The following ABLIM3 variants were observed in gnomAD, a reference collection of about 807,000 sequenced individuals.
The protein encoded by ABLIM3 is actin binding LIM protein family member 3, also known as actin-binding LIM protein 3.
Under a neutral mutation model 109.5 loss-of-function variants are expected in ABLIM3, and 61 were observed. That is an observed-to-expected ratio of 0.56 (90% CI 0.45 to 0.69). The LOEUF is 0.69. ABLIM3 is among the 30% of genes least tolerant of loss of function. The probability of loss-of-function intolerance (pLI) is 0.00; values close to 1 mark genes in which losing one functional copy is unlikely to be tolerated. For missense variants in ABLIM3, 796 were observed against 889.5 expected, an observed-to-expected ratio of 0.89 and a Z score of 1.34; for synonymous variants, 300 against 324.8, an observed-to-expected ratio of 0.92 and a Z score of 0.82.
At chr5:149,152,039 G>A (rs1753481947) in intron 2 of ABLIM3, among the ~76,000 whole-genome samples, 1 of 152,170 alleles carries the variant, frequency 6.6e-6, no homozygotes, top group Admixed American at 6.5e-5. Context: ...TAGTGAATTT[G>A]AATTATTTGC....
rs1390590216 is a variant in ABLIM3 at position 149,255,869 on chromosome 5, T to G, written c.1939-2422T>G. ...AAGTGACCAGACTGAGTGCTTTCTG[T>G]GTGCCCTTGAGTGTTGAGCACATGA... On this transcript the variant is annotated intron_variant, in intron 23 of 23. Coordinates refer to ENST00000309868, the MANE Select transcript of ABLIM3 (RefSeq NM_014945.5). Among the ~76,000 whole-genome samples the G allele has an allele frequency of 2.6e-5, 4 of 152,230 alleles. No individual in the cohort carries two copies. The East Asian group carries it at 5.8e-4, about 22-fold the overall frequency.
chr5:149,244,763 C>T, intron 15 of ABLIM3, 118 bp from the exon 16 acceptor site: 1 of 1,313,842 alleles, frequency 7.6e-7, no homozygotes, highest in Non-Finnish European at 1.1e-6. Context: ...ACAGAGAGCC[C>T]TGATCTTGAA....
At chr5:149,220,074 T>C (rs1760488762) in intron 8 of ABLIM3, 1 of 152,176 alleles carries the variant, frequency 6.6e-6, no homozygotes, top group Admixed American at 6.5e-5. Context: ...TGCTATAAGA[T>C]ATAGGTGTAG....
chr5:149,259,142 G>A lies in ABLIM3; in HGVS notation c.*738G>A, dbSNP rs1273133049. 2 of 1,016,128 alleles carry A rather than the reference G, an allele frequency of 2.0e-6. No homozygotes were observed. The highest frequency in any genetic ancestry group is 1.9e-4 in the East Asian group (2 of 10,454). 62.9% of individuals were successfully genotyped at this position (1,016,128 alleles called of 1,614,324 possible). On this transcript the variant is annotated 3_prime_UTR_variant, in exon 24 of 24. Transcript: ENST00000309868. The stretch of plus-strand genomic sequence containing the variant: ...GGCCCCTTTGCCTGACCTGGACTTG[G>A]AGAACCAGAGGAAAAGAGAGGGAGC...
Position 149,246,558 on chromosome 5 carries a change from C to T in ABLIM3, c.1551+12C>T, listed in dbSNP as rs528386150. The T allele has an allele frequency of 1.3e-5, 21 of 1,613,774 alleles. No individual in the cohort carries two copies. The highest frequency in any genetic ancestry group is 1.8e-5 in the Non-Finnish European group (21 of 1,179,944). On this transcript the variant is annotated intron_variant, in intron 17 of 23. Transcript: ENST00000309868. ...GCAGCATGCACAAGGTGGGCAGAGA[C>T]CACAGCACTGAATATGATGCTTAGA...
chr5:149,181,538 T>A (rs1756456309), intron 2 of ABLIM3, among the ~76,000 whole-genome samples: 1 of 152,232 alleles, frequency 6.6e-6, no homozygotes, highest in Non-Finnish European at 1.5e-5. Flanking sequence ...AGAAGTATAT[T>A]ATTCTCCCAC....
intron 5 of ABLIM3, among the ~76,000 whole-genome samples, chr5:149,201,007 G>A (rs983079381): frequency 2.6e-5 from 4 of 152,294 alleles, no homozygotes; most frequent in African/African-American, 9.6e-5. Context: ...TTCATTTGCT[G>A]TTCCTGAGAT....
At chr5:149,190,450 C>T (rs1026646064) in intron 3 of ABLIM3, among the ~76,000 whole-genome samples, 4 of 152,222 alleles carry the variant, frequency 2.6e-5, no homozygotes, top group Middle Eastern at 3.4e-3. Flanking sequence ...GAGGCCGAGG[C>T]GGGTGGATCA....
intron 8 of ABLIM3, among the ~76,000 whole-genome samples, chr5:149,223,500 A>G (rs931066273): frequency 6.6e-6 from 1 of 152,242 alleles, no homozygotes; most frequent in African/African-American, 2.4e-5. Flanking sequence ...TATGTTAGGC[A>G]AAAGAAGATT....
intron 3 of ABLIM3, among the ~76,000 whole-genome samples, chr5:149,187,709 C>A (rs1757102749): frequency 6.6e-6 from 1 of 152,276 alleles, no homozygotes; most frequent in African/African-American, 2.4e-5. Flanking sequence ...CCCACCCTGA[C>A]TCATTCTGAT....
At chr5:149,179,718 AG>A (rs1350607946) in intron 2 of ABLIM3, among the ~76,000 whole-genome samples, 1 of 151,846 alleles carries the variant, frequency 6.6e-6, no homozygotes, top group African/African-American at 2.4e-5. Context: ...TTTAACTATC[AG>A]GCTGTACTGT....
chr5:149,143,420 T>C (rs1440778464), intron 2 of ABLIM3, among the ~76,000 whole-genome samples: 2 of 151,950 alleles, frequency 1.3e-5, no homozygotes, highest in Non-Finnish European at 2.9e-5. Context: ...TCTACACTTT[T>C]TTTCTTAAAA....
intron 2 of ABLIM3, among the ~76,000 whole-genome samples, chr5:149,150,180 G>T (rs1484004435): frequency 6.6e-6 from 1 of 152,124 alleles, no homozygotes; most frequent in Non-Finnish European, 1.5e-5. Context: ...AACGGATCTG[G>T]AGAGGTGAGG....
intron 21 of ABLIM3, 73 bp from the exon 22 acceptor site, chr5:149,252,128 A>T: frequency 6.4e-7 from 1 of 1,567,148 alleles, no homozygotes; most frequent in South Asian, 1.1e-5. Flanking sequence ...AGTAGGACAG[A>T]GGCCTGTGTA....
intron 17 of ABLIM3, 39 bp downstream of exon 17, chr5:149,246,585 C>A: frequency 1.3e-6 from 2 of 1,593,768 alleles, no homozygotes; most frequent in Middle Eastern, 1.7e-4. Flanking sequence ...ATGCTTAGAG[C>A]GTATATCACT....
At position 149,233,158 on chromosome 5, in the gene ABLIM3, C is replaced by A; in HGVS notation, c.817-71C>A. ...GTATTGCTAATGTTGCATTCTTAAC[C>A]CCCTGTCTCACCCTCCCCACCAAGC... On this transcript the variant is annotated intron_variant, in intron 9 of 23. Coordinates refer to ENST00000309868, the MANE Select transcript of ABLIM3 (RefSeq NM_014945.5). The A allele has an allele frequency of 2.2e-6, 3 of 1,354,002 alleles. No homozygotes were observed. The South Asian group carries it at 3.5e-5, about 16-fold the overall frequency. 83.9% of individuals were successfully genotyped at this position (1,354,002 alleles called of 1,614,324 possible).
rs370917930 is a variant in ABLIM3 at position 149,239,843 on chromosome 5, A to G, written c.1159A>G (p.Met387Val). Reference sequence around the variant, plus strand: ...CTCCCCCACCTACAGCCGGCAGGGCATGTCCCCCACCTTCTCCCGCTCACC... The same window carrying G: ...CTCCCCCACCTACAGCCGGCAGGGCGTGTCCCCCACCTTCTCCCGCTCACC... ...IDSPTYSRQG[M>V]SPTFSRSPHH... Residue 387 changes from methionine (M) to valine (V), a missense_variant, in exon 13 of 24, where the codon ATG (methionine) becomes GTG (valine). Coordinates refer to ENST00000309868, the MANE Select transcript of ABLIM3 (RefSeq NM_014945.5). 1.2e-6 allele frequency: 2 copies of G among 1,610,698 alleles called. No homozygotes were observed. The highest frequency in any genetic ancestry group is 1.7e-5 in the Admixed American group (1 of 59,672).
At chr5:149,250,535 G>C (rs1455735112) in intron 20 of ABLIM3, 30 bp downstream of exon 20, 1 of 1,613,004 alleles carries the variant, frequency 6.2e-7, no homozygotes, top group East Asian at 2.2e-5. Context: ...GATGGGGGAG[G>C]ACGTTGTCCC....
chr5:149,259,586 TGAA>T lies in ABLIM3; in HGVS notation c.*1184_*1186del. The T allele has an allele frequency of 3.3e-6, 5 of 1,536,086 alleles. No individual in the cohort carries two copies. The highest frequency in any genetic ancestry group is 4.4e-6 in the Non-Finnish European group (5 of 1,146,870). Reference sequence around the variant, plus strand: ...AGTGGCTGCTTATGAGATTCCAAAATGAAGTGTTGGCCAACACCGCTCATGGCC... The same window carrying T: ...AGTGGCTGCTTATGAGATTCCAAAATGTGTTGGCCAACACCGCTCATGGCC... On this transcript the variant is annotated 3_prime_UTR_variant, in exon 24 of 24. Coordinates refer to ENST00000309868, the MANE Select transcript of ABLIM3 (RefSeq NM_014945.5).
Sources: gnomAD v4.1 joint callset for allele counts (sites outside exome capture counted in the v4.1 genomes callset) on GRCh38, gnomAD v4.1.1 for gene constraint, MANE v1.5 for transcripts, NCBI Gene and HGNC (gene_info 2026-07-23, HGNC 2026-07-21) for gene names.